Variants in PEX5 observed in about 807,000 individuals in gnomAD.
PEX5 encodes the protein PTS1 receptor.
PEX5 carries 52 observed loss-of-function variants against 82.9 expected under a neutral mutation model. The observed-to-expected ratio is 0.63, with a 90% CI of 0.50 to 0.79. PEX5 has a LOEUF of 0.79. PEX5 is among the 30% of genes least tolerant of loss of function. The pLI, the probability that PEX5 is intolerant of heterozygous loss-of-function variation, is 0.00. For synonymous variants in PEX5, 300 were observed against 318.8 expected (o/e 0.94, Z 0.63); for missense variants, 719 against 815.2 (o/e 0.88, Z 1.44).
At chr12:7,212,401 G>A (rs889091443), downstream of PEX5, among the ~76,000 whole-genome samples, 8 of 150,078 alleles carry the variant, frequency 5.3e-5, no homozygotes, top group Admixed American at 4.6e-4. Flanking sequence ...TGGGATCACA[G>A]GGAGGAGCAC....
At chr12:7,195,944 T>A (rs2135965684) in intron 5 of PEX5, among the ~76,000 whole-genome samples, 1 of 150,174 alleles carries the variant, frequency 6.7e-6, no homozygotes, top group South Asian at 2.1e-4. Flanking sequence ...AATCTGTATT[T>A]AATTTTTGAG....
rs941949179 is a variant in PEX5, at chr12:7,191,710, G to C, written c.448+10G>C. 2 of 1,612,364 alleles carry C rather than the reference G, an allele frequency of 1.2e-6. No homozygotes were observed. Among genetic ancestry groups the C allele is most frequent in the Non-Finnish European group, 1.7e-6 (2 of 1,178,474 alleles). ...ATCTCTGAAGTTACAGGTGAAACTT[G>C]TTATGGGAAAATCTATATTGGCTTC... On this transcript the variant is annotated intron_variant, in intron 5 of 15. Transcript: ENST00000675855.
chr12:7,193,476 C>T (rs935796894), intron 5 of PEX5, among the ~76,000 whole-genome samples: 9 of 152,090 alleles, frequency 5.9e-5, no homozygotes, highest in African/African-American at 2.2e-4. Flanking sequence ...TTAAGTAATC[C>T]ACCACAGCCT....
intron 8 of PEX5, 40 bp from the exon 9 acceptor site, chr12:7,202,572 A>T: frequency 3.9e-6 from 6 of 1,552,858 alleles, no homozygotes; most frequent in Non-Finnish European, 5.3e-6. Flanking sequence ...ATGGATAGAA[A>T]GTTGGTGGTA....
Position 7,197,109 on chromosome 12 carries a change from C to CAT in PEX5, c.449-1898_449-1897dup, listed in dbSNP as rs199516031. Among the ~76,000 whole-genome samples the CAT allele has an allele frequency of 3.4e-3, 25 of 7,382 alleles. 7 individuals are homozygous for CAT. The highest frequency in any genetic ancestry group is 8.1e-3 in the Admixed American group (2 of 248). The allele number at this position is 7,382 out of a possible 152,430, so 4.8% of individuals were successfully genotyped here. On this transcript the variant is annotated intron_variant, in intron 5 of 15. Transcript: ENST00000675855. ...TCACATATAATGTAATTATATATGT[C>CAT]ATATAATGTAATAATATATGTCATA... is the stretch of plus-strand genomic sequence containing the variant.
chr12:7,201,218 T>C (rs1459681746), intron 6 of PEX5, among the ~76,000 whole-genome samples: 1 of 152,122 alleles, frequency 6.6e-6, no homozygotes, highest in South Asian at 2.1e-4. Context: ...CACATACATG[T>C]ATATACACAC....
In PEX5 at chr12:7,190,057, T is replaced by C. The variant is rs1049761120; in HGVS notation, c.-16-305T>C. 64 of 1,501,412 alleles carry C rather than the reference T, an allele frequency of 4.3e-5. 2 individuals are homozygous for C. The Middle Eastern group carries it at 5.4e-4, about 13-fold the overall frequency. The allele number at this position is 1,501,412 out of a possible 1,614,324, so 93.0% of individuals were successfully genotyped here. On this transcript the variant is annotated intron_variant, in intron 1 of 15. Coordinates refer to ENST00000675855, the MANE Select transcript of PEX5 (RefSeq NM_001351132.2). Reference sequence around the variant, plus strand: ...CAGCCTGGTTGTTGAAGCGTCCCCGTGGTCCCCCGGGGTCCAGGCCCCTTT... The same window carrying C: ...CAGCCTGGTTGTTGAAGCGTCCCCGCGGTCCCCCGGGGTCCAGGCCCCTTT...
intron 5 of PEX5, among the ~76,000 whole-genome samples, chr12:7,192,185 T>C (rs1485762465): frequency 6.6e-6 from 1 of 152,206 alleles, no homozygotes; most frequent in Non-Finnish European, 1.5e-5. Context: ...TTCTAGGCCT[T>C]GTGTTACATG....
downstream of PEX5, among the ~76,000 whole-genome samples, chr12:7,215,098 A>G (rs1003361609): frequency 6.6e-6 from 1 of 152,212 alleles, no homozygotes; most frequent in South Asian, 2.1e-4. Flanking sequence ...TGGACAAAGG[A>G]CATGAACAGA....
chr12:7,202,021 C>T (rs1428421981), intron 7 of PEX5, 180 bp downstream of exon 7: 2 of 767,628 alleles, frequency 2.6e-6, no homozygotes, highest in Non-Finnish European at 4.4e-6. Flanking sequence ...ATTCCCTCAT[C>T]TCCTTGCCTA....
intron 9 of PEX5, 133 bp from the exon 10 acceptor site, chr12:7,203,299 A>G: frequency 1.8e-6 from 2 of 1,093,750 alleles, no homozygotes; most frequent in Non-Finnish European, 1.3e-6. Context: ...GCATTTTAAA[A>G]AACTTATTCA....
intron 12 of PEX5, 140 bp from the exon 13 acceptor site, chr12:7,208,314 TTTA>T (rs1156960795): frequency 5.3e-6 from 4 of 755,288 alleles, no homozygotes; most frequent in Non-Finnish European, 9.4e-6. Flanking sequence ...GATCTGTAAC[TTTA>T]TTATTAACTC....
chr12:7,205,204 G>T (rs1291800997), intron 10 of PEX5, among the ~76,000 whole-genome samples: 1 of 152,148 alleles, frequency 6.6e-6, no homozygotes, highest in African/African-American at 2.4e-5. Flanking sequence ...GTAGATTCTT[G>T]AGCCCTACTT....
At chr12:7,212,416 C>T (rs1945635371), downstream of PEX5, among the ~76,000 whole-genome samples, 1 of 147,854 alleles carries the variant, frequency 6.8e-6, no homozygotes, top group South Asian at 2.1e-4. Flanking sequence ...GAGCACCATA[C>T]CTGGCCAAAG....
intron 13 of PEX5, 146 bp from the exon 14 acceptor site, chr12:7,208,858 CT>C: frequency 1.1e-6 from 1 of 898,574 alleles, no homozygotes. Flanking sequence ...GAAAAACAGG[CT>C]TCTATATTGG....
chr12:7,203,218 G>GGA (rs1565707699), intron 9 of PEX5, among the ~76,000 whole-genome samples: 22 of 80,606 alleles, frequency 2.7e-4, no homozygotes, highest in African/African-American at 4.0e-4. Flanking sequence ...GCACTGCACT[G>GGA]CACTACATTA....
intron 5 of PEX5, among the ~76,000 whole-genome samples, chr12:7,197,232 T>TACATA (rs1282322648): frequency 6.7e-5 from 3 of 44,732 alleles, no homozygotes; most frequent in East Asian, 7.5e-4. Context: ...ATATATGTCA[T>TACATA]ATGTAATAAT....
At chr12:7,189,541 C>T (rs1034374660), upstream of PEX5, 1 of 188,614 alleles carries the variant, frequency 5.3e-6, no homozygotes, top group Admixed American at 6.1e-5. Context: ...GGTGCTCTTC[C>T]CCTTTAAGAC....
At position 7,191,732 on chromosome 12, in the gene PEX5, C is replaced by T. The variant is rs750019005; in HGVS notation, c.448+32C>T. The T allele has an allele frequency of 4.2e-5, 68 of 1,601,278 alleles. 2 individuals are homozygous for T. The South Asian group carries it at 7.2e-4, about 17-fold the overall frequency. On this transcript the variant is annotated intron_variant, in intron 5 of 15. Transcript: ENST00000675855. ...CTTGTTATGGGAAAATCTATATTGG[C>T]TTCTATGGGACAGAATTCTATACCC...
Sources: gnomAD v4.1 joint callset for allele counts (sites outside exome capture counted in the v4.1 genomes callset) on GRCh38, gnomAD v4.1.1 for gene constraint, MANE v1.5 for transcripts, NCBI Gene and HGNC (gene_info 2026-07-23, HGNC 2026-07-21) for gene names.